GABRG3: variants seen among roughly 807,000 people sequenced by gnomAD.
GABRG3 encodes gamma-aminobutyric acid receptor subunit gamma-3.
GABRG3 carries 25 observed loss-of-function variants against 48.8 expected under a neutral mutation model. That is an observed-to-expected ratio of 0.51 (90% CI 0.37 to 0.72). The LOEUF (loss-of-function observed/expected upper bound fraction) is 0.72, where lower values mean the gene tolerates loss of function less well. GABRG3 is among the 30% of genes least tolerant of loss of function. The pLI is 0.00. For synonymous variants in GABRG3, 227 were observed against 217.6 expected (o/e 1.04, Z -0.38); for missense variants, 394 against 577.9 (o/e 0.68, Z 3.26).
intron 5 of GABRG3, among the ~76,000 whole-genome samples, chr15:27,438,471 G>A (rs779547211): frequency 2.0e-5 from 3 of 152,180 alleles, no homozygotes; most frequent in African/African-American, 7.2e-5. Context: ...CTACGAAGTC[G>A]GAGTGAACTT....
At chr15:27,308,898 T>G (rs994312737) in intron 3 of GABRG3, among the ~76,000 whole-genome samples, 1 of 150,358 alleles carries the variant, frequency 6.7e-6, no homozygotes, top group African/African-American at 2.4e-5. Flanking sequence ...CATGTTTATA[T>G]GAAAACAGAA....
intron 5 of GABRG3, among the ~76,000 whole-genome samples, chr15:27,402,692 A>C (rs547261901): frequency 1.3e-5 from 2 of 152,372 alleles, no homozygotes; most frequent in East Asian, 3.9e-4. Context: ...AATCCTCTCC[A>C]AAATATTCTT....
intron 2 of GABRG3, among the ~76,000 whole-genome samples, chr15:27,003,201 A>ATT (rs768022244): frequency 2.2e-5 from 3 of 139,188 alleles, no homozygotes; most frequent in Non-Finnish European, 3.1e-5. Context: ...TTTTTATTTT[A>ATT]TATTTATTTA....
intron 5 of GABRG3, among the ~76,000 whole-genome samples, chr15:27,356,053 A>G (rs1894827031): frequency 6.6e-6 from 1 of 152,198 alleles, no homozygotes; most frequent in South Asian, 2.1e-4. Context: ...GAAACCCACC[A>G]AATTGTCTAC....
At chr15:27,079,764 T>C (rs1188476789) in intron 3 of GABRG3, among the ~76,000 whole-genome samples, 1 of 152,104 alleles carries the variant, frequency 6.6e-6, no homozygotes, top group Non-Finnish European at 1.5e-5. Context: ...TCCAACACTG[T>C]CCCAAAACAG....
intron 5 of GABRG3, among the ~76,000 whole-genome samples, chr15:27,402,260 A>C (rs1887496174): frequency 6.6e-6 from 1 of 151,702 alleles, no homozygotes; most frequent in African/African-American, 2.4e-5. Context: ...AATTCAGATA[A>C]ACCTCTCTGA....
intron 5 of GABRG3, among the ~76,000 whole-genome samples, chr15:27,470,878 A>G (rs1397822057): frequency 1.3e-5 from 2 of 151,038 alleles, no homozygotes; most frequent in African/African-American, 4.9e-5. Flanking sequence ...GAATTTATTC[A>G]TATTTCTCAA....
chr15:27,032,007 G>T (rs1471721484), intron 3 of GABRG3, among the ~76,000 whole-genome samples: 1 of 152,118 alleles, frequency 6.6e-6, no homozygotes, highest in Non-Finnish European at 1.5e-5. Context: ...CTTAAATATT[G>T]TTTTGGCACC....
At chr15:27,480,352 G>A (rs370259585) in intron 5 of GABRG3, among the ~76,000 whole-genome samples, 15 of 152,296 alleles carry the variant, frequency 9.8e-5, no homozygotes, top group South Asian at 4.1e-4. Flanking sequence ...CTCGAAGGCC[G>A]ACGGCAGCTG....
intron 3 of GABRG3, among the ~76,000 whole-genome samples, chr15:27,029,478 C>G (rs191321493): frequency 6.6e-6 from 1 of 151,932 alleles, no homozygotes; most frequent in Non-Finnish European, 1.5e-5. Context: ...TGCACACACT[C>G]GTGCACACAC....
chr15:27,439,329 C>T (rs925319689), intron 5 of GABRG3, among the ~76,000 whole-genome samples: 2 of 152,090 alleles, frequency 1.3e-5, no homozygotes, highest in Non-Finnish European at 2.9e-5. Context: ...ATGGTGGAAG[C>T]GAAAAGTCTT....
intron 3 of GABRG3, among the ~76,000 whole-genome samples, chr15:27,323,037 G>A (rs1893485324): frequency 6.6e-6 from 1 of 152,100 alleles, no homozygotes; most frequent in African/African-American, 2.4e-5. Flanking sequence ...GCATCTTAAA[G>A]TGCTTTATGG....
intron 3 of GABRG3, among the ~76,000 whole-genome samples, chr15:27,118,871 C>G (rs934647537): frequency 2.0e-5 from 3 of 152,124 alleles, no homozygotes; most frequent in Non-Finnish European, 2.9e-5. Context: ...ATGGAATACA[C>G]CAAATGTTGC....
chr15:27,162,506 T>C (rs917802153), intron 3 of GABRG3, among the ~76,000 whole-genome samples: 5 of 152,174 alleles, frequency 3.3e-5, no homozygotes, highest in African/African-American at 1.2e-4. Flanking sequence ...GGAATGGTAG[T>C]GGCACTTTTT....
Position 27,401,646 on chromosome 15 carries a change from G to A in GABRG3, c.574+72758G>A, listed in dbSNP as rs900578581. 5.9e-5 allele frequency among the ~76,000 whole-genome samples: 9 copies of A among 152,168 alleles called. No individual in the cohort carries two copies. The East Asian group carries it at 9.7e-4, about 16-fold the overall frequency. ...TCCTTGTAAGTAACACCAGGTTCAC[G>A]TCTTGACCTTCTTCCATGCTCTCGC... On this transcript the variant is annotated intron_variant, in intron 5 of 9. Coordinates refer to ENST00000615808, the MANE Select transcript of GABRG3 (RefSeq NM_033223.5).
At chr15:27,282,497 GCCC>G (rs1891468161) in intron 3 of GABRG3, among the ~76,000 whole-genome samples, 1 of 152,074 alleles carries the variant, frequency 6.6e-6, no homozygotes, top group Non-Finnish European at 1.5e-5. Flanking sequence ...CTTCTATTAA[GCCC>G]ATTTAGTAAG....
intron 3 of GABRG3, among the ~76,000 whole-genome samples, chr15:27,221,466 A>C (rs544426047): frequency 1.8e-4 from 27 of 152,332 alleles, no homozygotes; most frequent in African/African-American, 6.5e-4. Flanking sequence ...AAACTAAACT[A>C]AGGTAGACTG....
At chr15:27,384,091 G>T (rs1051342174) in intron 5 of GABRG3, among the ~76,000 whole-genome samples, 1 of 152,206 alleles carries the variant, frequency 6.6e-6, no homozygotes, top group African/African-American at 2.4e-5. Context: ...CAAATGGGAA[G>T]TGTTTAATTT....
intron 3 of GABRG3, among the ~76,000 whole-genome samples, chr15:27,051,120 T>G (rs1019876538): frequency 6.6e-5 from 10 of 152,222 alleles, no homozygotes; most frequent in Non-Finnish European, 1.5e-4. Context: ...GTGCAGTTGT[T>G]TTTTACATTT....
Sources: allele counts gnomAD v4.1 joint callset (sites outside exome capture counted in the v4.1 genomes callset), GRCh38; gene constraint gnomAD v4.1.1; transcripts MANE v1.5; gene names NCBI Gene and HGNC (gene_info 2026-07-23, HGNC 2026-07-21).